Variants in LOC128706666 observed in about 807,000 individuals in gnomAD.
chr20:10,433,486 A>G, the LOC128706666 span, among the ~76,000 whole-genome samples: 1 of 152,236 alleles, frequency 6.6e-6, no homozygotes, highest in African/African-American at 2.4e-5. Flanking sequence ...GTTTATGGAT[A>G]AACTGAAGAT....
the LOC128706666 span, among the ~76,000 whole-genome samples, chr20:10,425,068 A>G: frequency 7.2e-6 from 1 of 138,356 alleles, no homozygotes; most frequent in Admixed American, 7.4e-5. Flanking sequence ...AAAAAAAAAG[A>G]AAGAAAGAAA....
the LOC128706666 span, among the ~76,000 whole-genome samples, chr20:10,416,246 G>A: frequency 6.6e-6 from 1 of 152,102 alleles, no homozygotes; most frequent in Non-Finnish European, 1.5e-5. Flanking sequence ...TATAAAATAT[G>A]ATTTAAAGAA....
the LOC128706666 span, among the ~76,000 whole-genome samples, chr20:10,432,789 C>CAAAAAAAAAA: frequency 4.0e-5 from 3 of 74,588 alleles, no homozygotes; most frequent in Admixed American, 1.9e-4. Flanking sequence ...GACTCTTTGT[C>CAAAAAAAAAA]AAAAAAAAAA....
chr20:10,414,440 C>T, the LOC128706666 span, among the ~76,000 whole-genome samples: 1,035 of 152,016 alleles, frequency 6.8e-3, 4 homozygotes, highest in Non-Finnish European at 1.0e-2. Flanking sequence ...TAATTTTGTA[C>T]TTTTAGTAGA....
chr20:10,424,406 CAT>C, the LOC128706666 span, among the ~76,000 whole-genome samples: 2 of 151,920 alleles, frequency 1.3e-5, no homozygotes, highest in Non-Finnish European at 2.9e-5. Flanking sequence ...AAAGAAAAAA[CAT>C]ATATTTTTAA....
chr20:10,431,207 A>G, the LOC128706666 span, among the ~76,000 whole-genome samples: 5 of 152,188 alleles, frequency 3.3e-5, no homozygotes, highest in African/African-American at 1.2e-4. Context: ...CAAAGCAATT[A>G]TATATTATCA....
At chr20:10,427,905 A>G in the LOC128706666 span, among the ~76,000 whole-genome samples, 1 of 152,232 alleles carries the variant, frequency 6.6e-6, no homozygotes, top group Non-Finnish European at 1.5e-5. Context: ...CTTGACCTAT[A>G]TCCAAGAGCT....
the LOC128706666 span, among the ~76,000 whole-genome samples, chr20:10,424,960 G>T: frequency 0.025 from 3,743 of 151,488 alleles, 78 homozygotes; most frequent in Non-Finnish European, 0.036. Flanking sequence ...GGCTGAGGCA[G>T]AAGAATCACT....
At chr20:10,428,921 A>C in the LOC128706666 span, among the ~76,000 whole-genome samples, 1 of 152,098 alleles carries the variant, frequency 6.6e-6, no homozygotes, top group Admixed American at 6.5e-5. Context: ...TTCCAGTCCC[A>C]CTTTCTACTG....
At chr20:10,428,701 G>A in the LOC128706666 span, among the ~76,000 whole-genome samples, 4 of 152,150 alleles carry the variant, frequency 2.6e-5, no homozygotes, top group African/African-American at 9.7e-5. Flanking sequence ...TTAGCTGGAT[G>A]TGGTGGGTGC....
the LOC128706666 span, among the ~76,000 whole-genome samples, chr20:10,428,565 G>C: frequency 2.6e-5 from 4 of 152,162 alleles, no homozygotes; most frequent in African/African-American, 9.7e-5. Flanking sequence ...TCAGCTGGGC[G>C]CGGTGGCTCA....
the LOC128706666 span, among the ~76,000 whole-genome samples, chr20:10,416,123 A>C: frequency 3.9e-5 from 6 of 152,138 alleles, no homozygotes; most frequent in Non-Finnish European, 5.9e-5. Context: ...GGTCCTGACT[A>C]TTCTTGGATG....
At chr20:10,416,392 A>T in the LOC128706666 span, among the ~76,000 whole-genome samples, 1 of 152,184 alleles carries the variant, frequency 6.6e-6, no homozygotes, top group African/African-American at 2.4e-5. Flanking sequence ...GTTATTAAAG[A>T]CTACGTGGGT....
At chr20:10,432,702 G>A in the LOC128706666 span, among the ~76,000 whole-genome samples, 1 of 146,858 alleles carries the variant, frequency 6.8e-6, no homozygotes, top group Non-Finnish European at 1.5e-5. Flanking sequence ...GGCTAAGGCA[G>A]GGAGAATTGC....
At chr20:10,427,102 G>C in the LOC128706666 span, among the ~76,000 whole-genome samples, 1 of 138,936 alleles carries the variant, frequency 7.2e-6, no homozygotes, top group Non-Finnish European at 1.5e-5. Context: ...AGGGCAAAAA[G>C]GCAAGCAAGC....
chr20:10,433,148 C>T, the LOC128706666 span, among the ~76,000 whole-genome samples: 2 of 152,254 alleles, frequency 1.3e-5, no homozygotes, highest in South Asian at 4.1e-4. Context: ...GGATTACAGG[C>T]GTGCGCCACT....
chr20:10,424,329 G>A, the LOC128706666 span, among the ~76,000 whole-genome samples: 1 of 152,084 alleles, frequency 6.6e-6, no homozygotes, highest in Non-Finnish European at 1.5e-5. Flanking sequence ...GCTCAGGCAG[G>A]GGGACTGCTT....
At chr20:10,431,425 CAAG>C in the LOC128706666 span, among the ~76,000 whole-genome samples, 2 of 151,914 alleles carry the variant, frequency 1.3e-5, no homozygotes, top group South Asian at 2.1e-4. Flanking sequence ...GGGGAACTAC[CAAG>C]AAGAGTAAGG....
At chr20:10,416,829 T>C in the LOC128706666 span, among the ~76,000 whole-genome samples, 2 of 152,212 alleles carry the variant, frequency 1.3e-5, no homozygotes, top group African/African-American at 4.8e-5. Flanking sequence ...CTGCCTGTTT[T>C]TGTAAATGAA....
Sources: gnomAD v4.1 joint callset for allele counts (sites outside exome capture counted in the v4.1 genomes callset) on GRCh38, gnomAD v4.1.1 for gene constraint, MANE v1.5 for transcripts.